BMP6: variants seen among roughly 807,000 people sequenced by gnomAD.
BMP6 encodes VG-1-R.
A neutral mutation model predicts 54.1 loss-of-function variants in BMP6; 17 were observed. The observed-to-expected ratio is 0.31, with a 90% CI of 0.22 to 0.47. The LOEUF (loss-of-function observed/expected upper bound fraction) is 0.47, where lower values mean the gene tolerates loss of function less well. Ranked by LOEUF, BMP6 falls within the 20% of genes least tolerant of loss-of-function variation. The probability of loss-of-function intolerance (pLI) is 1.00; values close to 1 mark genes in which losing one functional copy is unlikely to be tolerated. For synonymous variants in BMP6, 328 were observed against 291.2 expected (o/e 1.13, Z -1.28); for missense variants, 720 against 690.4 (o/e 1.04, Z -0.48).
intron 1 of BMP6, among the ~76,000 whole-genome samples, chr6:7,757,734 C>A (rs537834184): frequency 2.6e-5 from 4 of 152,336 alleles, no homozygotes; most frequent in African/African-American, 9.6e-5. Flanking sequence ...GCTCTCCCTA[C>A]GTCTCTGCAC....
chr6:7,768,814 T>C (rs115066350), intron 1 of BMP6, among the ~76,000 whole-genome samples: 1,586 of 152,318 alleles, frequency 0.01, 20 homozygotes, highest in African/African-American at 0.036. Context: ...CTCCCTCTCT[T>C]GAATTCCCCT....
At chr6:7,783,408 C>A (rs149341032) in intron 1 of BMP6, among the ~76,000 whole-genome samples, 1 of 152,338 alleles carries the variant, frequency 6.6e-6, no homozygotes, top group East Asian at 1.9e-4. Flanking sequence ...TCAAAGGTTC[C>A]ATTTTTCTGG....
chr6:7,834,537 A>G (rs62387052), intron 1 of BMP6, among the ~76,000 whole-genome samples: 2 of 151,864 alleles, frequency 1.3e-5, no homozygotes, highest in Non-Finnish European at 2.9e-5. Context: ...TTTTTTTAAA[A>G]TCATTGAGGT....
intron 1 of BMP6, among the ~76,000 whole-genome samples, chr6:7,794,162 A>G (rs540942581): frequency 6.6e-6 from 1 of 152,164 alleles, no homozygotes; most frequent in East Asian, 1.9e-4. Flanking sequence ...GAGTGGAGGG[A>G]GGTACACCTG....
chr6:7,745,819 G>A (rs1757338153), intron 1 of BMP6, among the ~76,000 whole-genome samples: 1 of 151,680 alleles, frequency 6.6e-6, no homozygotes, highest in Non-Finnish European at 1.5e-5. Context: ...AAAAAAAAAA[G>A]AGGCCGGGTG....
chr6:7,817,136 A>T (rs1266871434), intron 1 of BMP6, among the ~76,000 whole-genome samples: 1 of 152,176 alleles, frequency 6.6e-6, no homozygotes, highest in Non-Finnish European at 1.5e-5. Flanking sequence ...TACAATTTGT[A>T]ACATGCTTTT....
intron 1 of BMP6, among the ~76,000 whole-genome samples, chr6:7,769,738 C>CAA (rs35784013): frequency 0.7 from 106,625 of 151,828 alleles, 38,783 homozygotes; most frequent in Non-Finnish European, 0.81. Flanking sequence ...AAAAGTCAAA[C>CAA]GACAATCTAT....
intron 1 of BMP6, among the ~76,000 whole-genome samples, chr6:7,805,606 T>A (rs1341197135): frequency 6.6e-6 from 1 of 152,204 alleles, no homozygotes; most frequent in Admixed American, 6.5e-5. Context: ...CCATTAGAGT[T>A]TCATAGAGGT....
chr6:7,875,721 C>T (rs1047087591), intron 4 of BMP6, among the ~76,000 whole-genome samples: 1 of 152,144 alleles, frequency 6.6e-6, no homozygotes, highest in African/African-American at 2.4e-5. Flanking sequence ...ATCAAGTTGA[C>T]ACAAAATTAA....
chr6:7,827,908 A>G (rs1234006143), intron 1 of BMP6, among the ~76,000 whole-genome samples: 3 of 152,374 alleles, frequency 2.0e-5, no homozygotes, highest in Admixed American at 2.0e-4. Flanking sequence ...GGTCTTATAC[A>G]TAAAACTGCC....
At chr6:7,774,156 A>G (rs185507337) in intron 1 of BMP6, among the ~76,000 whole-genome samples, 1 of 152,196 alleles carries the variant, frequency 6.6e-6, no homozygotes, top group Non-Finnish European at 1.5e-5. Context: ...AGACACATGG[A>G]ACTCAATCCA....
chr6:7,736,683 TGTG>T (rs1027052496), intron 1 of BMP6, among the ~76,000 whole-genome samples: 1 of 152,208 alleles, frequency 6.6e-6, no homozygotes, highest in Admixed American at 6.5e-5. Flanking sequence ...GAGACAGAAA[TGTG>T]GTAACTGAAG....
intron 1 of BMP6, among the ~76,000 whole-genome samples, chr6:7,785,122 A>G (rs942547805): frequency 2.6e-5 from 4 of 152,246 alleles, no homozygotes; most frequent in East Asian, 1.9e-4. Flanking sequence ...GGTGTATGGT[A>G]GTACACCAGA....
chr6:7,733,464 G>T (rs985294255), intron 1 of BMP6, among the ~76,000 whole-genome samples: 2 of 152,102 alleles, frequency 1.3e-5, no homozygotes, highest in East Asian at 3.9e-4. Context: ...AATTTACCAA[G>T]GCCCCATTCA....
intron 1 of BMP6, among the ~76,000 whole-genome samples, chr6:7,742,662 G>C (rs1297280235): frequency 6.6e-6 from 1 of 152,172 alleles, no homozygotes; most frequent in Non-Finnish European, 1.5e-5. Context: ...TTGCTTCACT[G>C]TATTTCCAGA....
chr6:7,869,077 C>A (rs565847779), intron 4 of BMP6, among the ~76,000 whole-genome samples: 27 of 152,376 alleles, frequency 1.8e-4, no homozygotes, highest in African/African-American at 5.0e-4. Context: ...GCGCACCCCC[C>A]CTGGGAGCCC....
At chr6:7,779,887 G>A (rs892738799) in intron 1 of BMP6, among the ~76,000 whole-genome samples, 2 of 152,056 alleles carry the variant, frequency 1.3e-5, no homozygotes, top group African/African-American at 4.8e-5. Context: ...TACCTCCTTG[G>A]GGCTTGCTGT....
intron 2 of BMP6, among the ~76,000 whole-genome samples, chr6:7,855,288 A>G (rs1456346365): frequency 6.6e-6 from 1 of 152,196 alleles, no homozygotes; most frequent in African/African-American, 2.4e-5. Flanking sequence ...GACCAGCAGC[A>G]TCAGCATCAC....
Position 7,759,341 on chromosome 6 carries a change from G to A in BMP6, c.664+31722G>A, listed in dbSNP as rs1757573007. Among the ~76,000 whole-genome samples the A allele has an allele frequency of 2.6e-5, 4 of 152,172 alleles. 1 individual carries two copies. Among genetic ancestry groups the A allele is most frequent in the Admixed American group, 2.6e-4 (4 of 15,276 alleles). ...GTGGAGGGGACGTCTGTGCACATGA[G>A]TAGATAAAAAATGCAAGCAATGTTG... On this transcript the variant is annotated intron_variant, in intron 1 of 6. Coordinates refer to ENST00000283147, the MANE Select transcript of BMP6 (RefSeq NM_001718.6).
Sources: gnomAD v4.1 joint callset for allele counts (sites outside exome capture counted in the v4.1 genomes callset) on GRCh38, gnomAD v4.1.1 for gene constraint, MANE v1.5 for transcripts, NCBI Gene and HGNC (gene_info 2026-07-23, HGNC 2026-07-21) for gene names.